Variants in TNRC18 observed in about 807,000 individuals in gnomAD.
The protein encoded by TNRC18 is trinucleotide repeat containing 18.
TNRC18 carries 69 observed loss-of-function variants against 226.7 expected under a neutral mutation model. The ratio of observed to expected loss-of-function variants is 0.30; its 90% CI spans 0.25 to 0.37. TNRC18 has a LOEUF of 0.37. TNRC18 is among the 10% of genes least tolerant of loss of function. The pLI is 1.00. For synonymous variants in TNRC18, 2,449 were observed against 1,927.6 expected, an observed-to-expected ratio of 1.27 and a Z score of -7.09; for missense variants, 4,754 against 4,256.6, an observed-to-expected ratio of 1.12 and a Z score of -3.25.
intron 9 of TNRC18, among the ~76,000 whole-genome samples, chr7:5,375,041 T>A (rs889143309): frequency 6.6e-6 from 1 of 152,090 alleles, no homozygotes; most frequent in South Asian, 2.1e-4. Context: ...CCGGGCACAG[T>A]GCTCCCGCCT....
intron 2 of TNRC18, among the ~76,000 whole-genome samples, chr7:5,415,991 G>C (rs1782159193): frequency 6.6e-6 from 1 of 151,302 alleles, no homozygotes; most frequent in Admixed American, 6.6e-5. Context: ...GCAGGCGCCT[G>C]TAATCCCAGC....
At chr7:5,325,002 G>A in intron 20 of TNRC18, 94 bp downstream of exon 20, 3 of 1,412,968 alleles carry the variant, frequency 2.1e-6, no homozygotes. Flanking sequence ...TATAGGGAGG[G>A]TGAATACAGA....
rs1222271994 is a variant in TNRC18, at chr7:5,308,003, C to T, written c.*103G>A. The T allele has an allele frequency of 3.4e-5, 37 of 1,100,100 alleles. No homozygotes were observed. Among genetic ancestry groups the T allele is most frequent in the South Asian group, 6.1e-5 (4 of 65,840 alleles). 68.1% of individuals were successfully genotyped at this position (1,100,100 alleles called of 1,614,324 possible). A position where few individuals can be genotyped will look rare whatever the true frequency, so the allele number is the denominator to read the frequency against. On this transcript the variant is annotated 3_prime_UTR_variant, in exon 30 of 30. Transcript: ENST00000430969. ...GGCCCCATGCACACGCCTGCAGGAG[C>T]GCTCGCATGCACACAACGCACGTGG... is the stretch of plus-strand genomic sequence containing the variant.
intron 17 of TNRC18, among the ~76,000 whole-genome samples, chr7:5,347,390 G>T (rs1489538692): frequency 3.3e-5 from 5 of 149,680 alleles, no homozygotes; most frequent in Non-Finnish European, 5.9e-5. Flanking sequence ...TAGAGACGGG[G>T]TTTCACCGTG....
intron 10 of TNRC18, among the ~76,000 whole-genome samples, chr7:5,371,640 C>A (rs748436258): frequency 6.6e-5 from 10 of 152,216 alleles, no homozygotes; most frequent in African/African-American, 2.4e-4. Flanking sequence ...CCACTCAGCA[C>A]CCAGCACAAG....
intron 16 of TNRC18, among the ~76,000 whole-genome samples, chr7:5,352,968 C>T (rs1023649818): frequency 1.1e-4 from 17 of 152,250 alleles, no homozygotes; most frequent in African/African-American, 3.6e-4. Context: ...CTGCCACCTC[C>T]GAGTCCAAGA....
At position 5,316,069 on chromosome 7, in the gene TNRC18, A is replaced by G; in HGVS notation, c.6749T>C (p.Leu2250Ser). Residue 2250 changes from leucine to serine, a missense_variant, in exon 25 of 30, where the codon TTA (leucine) becomes TCA (serine). Leu to Ser is a moderately radical substitution (Grantham distance 145, BLOSUM62 -2). Transcript: ENST00000430969. ...CLYPGTVVRGLLDLEDDGDLI... is the reference protein window; with the variant it reads ...CLYPGTVVRGSLDLEDDGDLI... ...GTCCCCATCGTCCTCCAGGTCCAGT[A>G]ACCCTGTGGGAAGAGGGGAGGCTCA... 6.2e-7 allele frequency: 1 copy of G among 1,611,208 alleles called. No individual in the cohort carries two copies. Among genetic ancestry groups the G allele is most frequent in the South Asian group, 1.1e-5 (1 of 90,626 alleles).
At chr7:5,369,651 T>G (rs1198537940) in intron 11 of TNRC18, among the ~76,000 whole-genome samples, 3 of 152,102 alleles carry the variant, frequency 2.0e-5, no homozygotes, top group African/African-American at 7.2e-5. Flanking sequence ...AAAGAAAGAC[T>G]TGGTTTCTTG....
intron 19 of TNRC18, among the ~76,000 whole-genome samples, chr7:5,328,145 G>A (rs1789128140): frequency 6.6e-6 from 1 of 152,108 alleles, no homozygotes; most frequent in Non-Finnish European, 1.5e-5. Context: ...TTGAACCCGG[G>A]AGGCAGAGGT....
At chr7:5,391,702 G>A (rs533008960) in intron 3 of TNRC18, among the ~76,000 whole-genome samples, 2 of 151,386 alleles carry the variant, frequency 1.3e-5, no homozygotes, top group Non-Finnish European at 2.9e-5. Flanking sequence ...AGTCACCTAA[G>A]AGAGCACACA....
At chr7:5,325,564 C>A (rs1293619249) in intron 19 of TNRC18, 1 of 307,628 alleles carries the variant, frequency 3.3e-6, no homozygotes, top group Non-Finnish European at 6.1e-6. Flanking sequence ...GCTGGGACTA[C>A]AGGCACCCGC....
intron 21 of TNRC18, among the ~76,000 whole-genome samples, chr7:5,321,874 G>A (rs896237895): frequency 1.3e-5 from 2 of 151,790 alleles, no homozygotes; most frequent in African/African-American, 2.4e-5. Context: ...GTTCCACCAT[G>A]TTGGCCAGGC....
chr7:5,347,060 G>C (rs1424134657), intron 17 of TNRC18, among the ~76,000 whole-genome samples: 1 of 151,682 alleles, frequency 6.6e-6, no homozygotes, highest in Non-Finnish European at 1.5e-5. Context: ...AGAAGCCCCA[G>C]GGCCGGGCAA....
intron 19 of TNRC18, among the ~76,000 whole-genome samples, chr7:5,329,204 G>A (rs1789252970): frequency 6.6e-6 from 1 of 151,924 alleles, no homozygotes. Flanking sequence ...TCGGGAGGCT[G>A]AGGCAAGAGA....
intron 5 of TNRC18, among the ~76,000 whole-genome samples, chr7:5,385,815 G>C (rs1332393755): frequency 1.4e-5 from 2 of 145,176 alleles, no homozygotes; most frequent in Non-Finnish European, 3.0e-5. Context: ...CTCTACTAAA[G>C]AAAAACAAAT....
At chr7:5,400,989 C>T (rs1348912686) in intron 2 of TNRC18, among the ~76,000 whole-genome samples, 1 of 152,096 alleles carries the variant, frequency 6.6e-6, no homozygotes, top group African/African-American at 2.4e-5. Flanking sequence ...CTGCAGTGAG[C>T]TGAGATTTCG....
At chr7:5,390,696 T>A in intron 3 of TNRC18, 68 bp from the exon 4 acceptor site, 1 of 1,436,692 alleles carries the variant, frequency 7.0e-7, no homozygotes, top group Non-Finnish European at 9.2e-7. Context: ...TCCTTCCAGC[T>A]CCTGGAAATA....
intron 2 of TNRC18, among the ~76,000 whole-genome samples, chr7:5,408,834 G>C (rs28771973): frequency 0.15 from 23,544 of 152,100 alleles, 3,547 homozygotes; most frequent in African/African-American, 0.39. Context: ...AAAAGCTGAG[G>C]ACAAGAGAGT....
In TNRC18 at chr7:5,421,317, G is replaced by C; in HGVS notation, c.-71C>G. 1 of 1,216,188 alleles carries C rather than the reference G, an allele frequency of 8.2e-7. No homozygotes were observed. The highest frequency in any genetic ancestry group is 1.0e-6 in the Non-Finnish European group (1 of 972,786). The allele number at this position is 1,216,188 out of a possible 1,614,324, so 75.3% of individuals were successfully genotyped here. The stretch of plus-strand genomic sequence containing the variant: ...CTAGCTCAGTGGGACCTAAAAGTTC[G>C]GCCTCGGCGTAGTCCCAGAGTCCTC... On this transcript the variant is annotated 5_prime_UTR_variant, in exon 2 of 30. Transcript: ENST00000430969.
Sources: allele counts gnomAD v4.1 joint callset (sites outside exome capture counted in the v4.1 genomes callset), GRCh38; gene constraint gnomAD v4.1.1; transcripts MANE v1.5; gene names NCBI Gene and HGNC (gene_info 2026-07-23, HGNC 2026-07-21).